ELOVL7: variants seen among roughly 807,000 people sequenced by gnomAD.
The protein encoded by ELOVL7 is ELOVL fatty acid elongase 7, also known as very long chain fatty acid elongase 7.
In ELOVL7, 27 loss-of-function variants were observed where a neutral mutation model predicts 35.7. That is an observed-to-expected ratio of 0.76 (90% confidence interval 0.56 to 1.04). The LOEUF (loss-of-function observed/expected upper bound fraction) is 1.04. Ranked by LOEUF, ELOVL7 falls within the 50% of genes least tolerant of loss-of-function variation. The pLI is 0.00. For missense variants in ELOVL7, 327 were observed against 340.8 expected (o/e 0.96, Z 0.32); for synonymous variants, 113 against 114.6 (o/e 0.99, Z 0.09).
At chr5:60,797,325 C>A (rs534370637) in intron 2 of ELOVL7, among the ~76,000 whole-genome samples, 1 of 152,278 alleles carries the variant, frequency 6.6e-6, no homozygotes, top group South Asian at 2.1e-4. Context: ...CACATTTCTC[C>A]TTGGTATTTT....
At chr5:60,800,772 T>C (rs1300971478) in intron 1 of ELOVL7, among the ~76,000 whole-genome samples, 1 of 143,628 alleles carries the variant, frequency 7.0e-6, no homozygotes, top group African/African-American at 2.5e-5. Flanking sequence ...TTCAACATAG[T>C]AGTCTTCCCT....
chr5:60,807,810 TAAC>T lies in ELOVL7; in HGVS notation c.-85-8583_-85-8581del, dbSNP rs1209101773. The stretch of plus-strand genomic sequence containing the variant: ...GTCAGGAGATCGAGACCACCCTGGC[TAAC>T]ATGGTGAAACCCCGTCTCTACTAAA... On this transcript the variant is annotated intron_variant, in intron 1 of 8. Transcript: ENST00000508821. 2.6e-5 allele frequency among the ~76,000 whole-genome samples: 4 copies of T among 151,494 alleles called. No individual in the cohort carries two copies. The East Asian group carries it at 7.8e-4, about 29-fold the overall frequency.
intron 7 of ELOVL7, among the ~76,000 whole-genome samples, chr5:60,761,687 G>A (rs973976237): frequency 3.9e-5 from 6 of 152,130 alleles, no homozygotes; most frequent in Admixed American, 1.3e-4. Flanking sequence ...AGGTATATAA[G>A]CTGATCGTAG....
At chr5:60,817,812 A>G (rs1260076247) in intron 1 of ELOVL7, among the ~76,000 whole-genome samples, 1 of 145,148 alleles carries the variant, frequency 6.9e-6, no homozygotes, top group Non-Finnish European at 1.5e-5. Flanking sequence ...CACCATATAT[A>G]TGTGTGTGTG....
Position 60,757,603 on chromosome 5 carries a change from T to C in ELOVL7, c.542A>G (p.His181Arg), listed in dbSNP as rs372397313. ...TFHALLNTAV[H>R]VVMYSYYGLS... ...TCCATAGTAGGAATACATGACTACA[T>C]GTACAGCTGTATTTAGAAGGGCATG... The change falls in exon 8 of 9, where the codon CAT becomes CGT. Residue 181 changes from histidine to arginine, a missense_variant. Transcript: ENST00000508821. The C allele has an allele frequency of 1.8e-5, 29 of 1,611,852 alleles. 1 individual carries two copies. The highest frequency in any genetic ancestry group is 2.4e-5 in the Non-Finnish European group (28 of 1,178,428).
intron 3 of ELOVL7, among the ~76,000 whole-genome samples, chr5:60,777,773 G>A (rs1742995745): frequency 6.6e-6 from 1 of 152,160 alleles, no homozygotes; most frequent in Non-Finnish European, 1.5e-5. Context: ...TAGAGAAGTA[G>A]AGGGAAAACC....
At chr5:60,770,048 C>G (rs1742484368) in intron 4 of ELOVL7, among the ~76,000 whole-genome samples, 1 of 118,578 alleles carries the variant, frequency 8.4e-6, no homozygotes, top group Non-Finnish European at 1.6e-5. Flanking sequence ...GAGACCCTTT[C>G]TGGTGAAAAA....
rs573781686 is a variant in ELOVL7, at chr5:60,795,232, T to C, written c.-35+3948A>G. ...GGTGAAAGCCTCCCCGAGAGGAAGG[T>C]ACTGAGAGACAGGACTAGCTGGACT... On this transcript the variant is annotated intron_variant, in intron 2 of 8. Transcript: ENST00000508821. Among the ~76,000 whole-genome samples the C allele has an allele frequency of 3.3e-5, 5 of 151,736 alleles. No individual in the cohort carries two copies. In the South Asian group the frequency reaches 1.0e-3, roughly 32 times the overall value.
chr5:60,793,738 G>A (rs745633366), intron 2 of ELOVL7, among the ~76,000 whole-genome samples: 1 of 152,110 alleles, frequency 6.6e-6, no homozygotes, highest in Non-Finnish European at 1.5e-5. Flanking sequence ...ATAAAGAGGT[G>A]CCAGCTGCAT....
chr5:60,818,735 T>C (rs1745684300), intron 1 of ELOVL7, among the ~76,000 whole-genome samples: 2 of 151,974 alleles, frequency 1.3e-5, no homozygotes, highest in South Asian at 2.1e-4. Context: ...AGGCTGGGCA[T>C]GGTGGCTCAC....
intron 3 of ELOVL7, among the ~76,000 whole-genome samples, chr5:60,772,660 C>G (rs1742669482): frequency 6.6e-6 from 1 of 152,210 alleles, no homozygotes; most frequent in Non-Finnish European, 1.5e-5. Context: ...CTCCCTCTCT[C>G]CACTGGCTGA....
intron 8 of ELOVL7, among the ~76,000 whole-genome samples, chr5:60,756,590 T>C (rs1272885312): frequency 6.6e-6 from 1 of 152,140 alleles, no homozygotes; most frequent in Non-Finnish European, 1.5e-5. Flanking sequence ...CAAATAACTC[T>C]GCAAGGAAAT....
At chr5:60,761,412 C>T (rs1490650324) in intron 7 of ELOVL7, among the ~76,000 whole-genome samples, 1 of 151,858 alleles carries the variant, frequency 6.6e-6, no homozygotes, top group Non-Finnish European at 1.5e-5. Flanking sequence ...CAAGTTTTTG[C>T]AAAAATCAGT....
At chr5:60,800,163 G>A (rs1340355936) in intron 1 of ELOVL7, among the ~76,000 whole-genome samples, 1 of 150,320 alleles carries the variant, frequency 6.7e-6, no homozygotes, top group Non-Finnish European at 1.5e-5. Flanking sequence ...ACCAAAACCA[G>A]ACAAGGACAC....
At chr5:60,802,543 T>C (rs899778228) in intron 1 of ELOVL7, 1 of 152,146 alleles carries the variant, frequency 6.6e-6, no homozygotes, top group African/African-American at 2.4e-5. Context: ...AAGATTAATC[T>C]AGGATTTCAA....
intron 1 of ELOVL7, among the ~76,000 whole-genome samples, chr5:60,837,307 C>T (rs190406046): frequency 3.9e-3 from 39 of 9,982 alleles, no homozygotes; most frequent in African/African-American, 0.022. Context: ...CGTGGTAGGG[C>T]GGGGGGGTGG....
At chr5:60,833,908 T>C (rs1327791735) in intron 1 of ELOVL7, among the ~76,000 whole-genome samples, 1 of 152,202 alleles carries the variant, frequency 6.6e-6, no homozygotes, top group Non-Finnish European at 1.5e-5. Context: ...TTTTATAAGT[T>C]TGGCCTTTTT....
intron 1 of ELOVL7, among the ~76,000 whole-genome samples, chr5:60,823,836 C>G (rs1390206711): frequency 6.6e-6 from 1 of 152,160 alleles, no homozygotes; most frequent in Non-Finnish European, 1.5e-5. Flanking sequence ...GCCTGGGCTC[C>G]AGGATTTTTT....
chr5:60,757,433 C>A, intron 8 of ELOVL7, 76 bp downstream of exon 8: 1 of 1,428,680 alleles, frequency 7.0e-7, no homozygotes. Flanking sequence ...TTTATTTAAC[C>A]AGTATCCTAA....
Sources: gnomAD v4.1 joint callset for allele counts (sites outside exome capture counted in the v4.1 genomes callset) on GRCh38, gnomAD v4.1.1 for gene constraint, MANE v1.5 for transcripts, NCBI Gene and HGNC (gene_info 2026-07-23, HGNC 2026-07-21) for gene names.